Variants in PTPRT observed in about 807,000 individuals in gnomAD.
The protein encoded by PTPRT is receptor-type tyrosine-protein phosphatase T.
PTPRT carries 56 observed loss-of-function variants against 176.8 expected under a neutral mutation model. The observed-to-expected ratio is 0.32, with a 90% CI of 0.26 to 0.40. The LOEUF (loss-of-function observed/expected upper bound fraction) is 0.40. Among genes scored for constraint, PTPRT ranks in the 10% least tolerant of loss-of-function variants. The pLI is 1.00. For synonymous variants in PTPRT, 783 were observed against 739.0 expected, an observed-to-expected ratio of 1.06 and a Z score of -0.96; for missense variants, 1,540 against 1,908.2, an observed-to-expected ratio of 0.81 and a Z score of 3.60.
intron 1 of PTPRT, among the ~76,000 whole-genome samples, chr20:42,888,770 A>G (rs951119690): frequency 1.5e-4 from 23 of 152,330 alleles, no homozygotes; most frequent in Admixed American, 7.8e-4. Context: ...AGTTTTTTTA[A>G]TGGGCTCTGG....
intron 1 of PTPRT, among the ~76,000 whole-genome samples, chr20:43,060,661 G>T (rs1987418812): frequency 6.6e-6 from 1 of 152,132 alleles, no homozygotes; most frequent in Non-Finnish European, 1.5e-5. Context: ...ATACAAATGT[G>T]GCTACTAGCA....
the PTPRT span, among the ~76,000 whole-genome samples, chr20:42,032,919 G>A: frequency 4.6e-5 from 7 of 152,172 alleles, no homozygotes; most frequent in Admixed American, 4.6e-4. Flanking sequence ...GAATGAGCTT[G>A]GATGTAGAGC....
chr20:42,640,454 G>A (rs888803003), intron 7 of PTPRT, among the ~76,000 whole-genome samples: 1 of 152,054 alleles, frequency 6.6e-6, no homozygotes, highest in African/African-American at 2.4e-5. Flanking sequence ...GGATGGAAGT[G>A]GCATGATCTT....
chr20:42,766,805 T>C (rs1324049592), intron 5 of PTPRT, among the ~76,000 whole-genome samples: 2 of 152,156 alleles, frequency 1.3e-5, no homozygotes, highest in African/African-American at 4.8e-5. Context: ...ACTGGCCGAG[T>C]TGAGAAGTTA....
At chr20:42,608,001 C>T (rs1451212063) in intron 7 of PTPRT, among the ~76,000 whole-genome samples, 1 of 152,156 alleles carries the variant, frequency 6.6e-6, no homozygotes, top group Non-Finnish European at 1.5e-5. Flanking sequence ...TCTTCATGTG[C>T]CACCCAATCA....
At chr20:42,510,984 TAG>T (rs1333184423) in intron 7 of PTPRT, among the ~76,000 whole-genome samples, 5 of 152,010 alleles carry the variant, frequency 3.3e-5, no homozygotes, top group African/African-American at 1.2e-4. Flanking sequence ...CCCTGATGAA[TAG>T]ATTAATCCAT....
intron 1 of PTPRT, among the ~76,000 whole-genome samples, chr20:43,156,525 G>A (rs889988811): frequency 6.6e-6 from 1 of 152,184 alleles, no homozygotes; most frequent in Non-Finnish European, 1.5e-5. Flanking sequence ...ATAAAATGAT[G>A]AATGAGGAGA....
intron 13 of PTPRT, among the ~76,000 whole-genome samples, chr20:42,268,782 T>C (rs1380454112): frequency 1.3e-5 from 2 of 152,270 alleles, no homozygotes; most frequent in African/African-American, 4.8e-5. Flanking sequence ...AGTACAGGTG[T>C]CCATGGCAGT....
At chr20:42,629,778 T>A (rs920403741) in intron 7 of PTPRT, among the ~76,000 whole-genome samples, 4 of 152,102 alleles carry the variant, frequency 2.6e-5, no homozygotes, top group African/African-American at 9.7e-5. Context: ...CAGGCAGTAG[T>A]AATAAGGGAA....
intron 1 of PTPRT, among the ~76,000 whole-genome samples, chr20:42,984,215 C>G (rs1983439807): frequency 6.6e-6 from 1 of 152,192 alleles, no homozygotes; most frequent in Admixed American, 6.5e-5. Flanking sequence ...GGCTCACAGA[C>G]ACATACATAC....
intron 9 of PTPRT, among the ~76,000 whole-genome samples, chr20:42,372,627 G>C (rs1176650314): frequency 6.6e-6 from 1 of 152,100 alleles, no homozygotes; most frequent in Non-Finnish European, 1.5e-5. Context: ...ATTCAATTTA[G>C]AGGATATTTG....
At chr20:42,044,295 T>C in the PTPRT span, among the ~76,000 whole-genome samples, 25 of 152,078 alleles carry the variant, frequency 1.6e-4, no homozygotes, top group African/African-American at 6.0e-4. Context: ...TGGAGAAGAG[T>C]TGTGTGCTGG....
intron 14 of PTPRT, among the ~76,000 whole-genome samples, chr20:42,239,168 C>T (rs1337014868): frequency 6.6e-6 from 1 of 152,048 alleles, no homozygotes; most frequent in East Asian, 1.9e-4. Flanking sequence ...AAGTGTTCAC[C>T]TCTTTAGGAA....
chr20:42,056,288 T>C, the PTPRT span, among the ~76,000 whole-genome samples: 1 of 152,224 alleles, frequency 6.6e-6, no homozygotes, highest in Non-Finnish European at 1.5e-5. Flanking sequence ...GGTGACACTT[T>C]TGTCAACTTA....
chr20:42,209,986 G>T (rs1233251984), intron 15 of PTPRT, among the ~76,000 whole-genome samples: 3 of 152,152 alleles, frequency 2.0e-5, no homozygotes, highest in African/African-American at 4.8e-5. Flanking sequence ...TGCAAGGCTG[G>T]TTCAATATAC....
intron 7 of PTPRT, among the ~76,000 whole-genome samples, chr20:42,600,218 T>A (rs930944693): frequency 3.3e-5 from 5 of 152,174 alleles, no homozygotes; most frequent in Admixed American, 2.6e-4. Flanking sequence ...CAACTCACTG[T>A]AACCTCTGCC....
chr20:42,419,019 G>A (rs1292326719), intron 9 of PTPRT, among the ~76,000 whole-genome samples: 2 of 152,200 alleles, frequency 1.3e-5, no homozygotes, highest in African/African-American at 2.4e-5. Context: ...AGCATATAAT[G>A]AGTGTTGAAG....
Position 43,189,705 on chromosome 20 carries a change from C to T in PTPRT, c.29G>A (p.Ser10Asn). Residue 10 changes from serine (S) to asparagine (N), a missense_variant, in exon 1 of 31, where the codon AGC (serine) becomes AAC (asparagine). By Grantham distance (46) the Ser-to-Asn change is conservative. Transcript: ENST00000373187. This position sits in a 1 kb window ranked among gnomAD's most constrained non-coding sequence, Gnocchi z 5.0. ...CGGCAGCTGCAGCCTCAGGAGCAGG[C>T]TGAGGGCGAGCGCGGCGAGGCTCGC... MASLAALAL[S>N]LLLRLQLPPL... 7.7e-7 allele frequency: 1 copy of T among 1,290,798 alleles called. No individual in the cohort carries two copies. The highest frequency in any genetic ancestry group is 9.8e-7 in the Non-Finnish European group (1 of 1,019,432). 80.0% of individuals were successfully genotyped at this position (1,290,798 alleles called of 1,614,324 possible).
chr20:42,702,235 A>T, intron 6 of PTPRT, among the ~76,000 whole-genome samples: 1 of 152,098 alleles, frequency 6.6e-6, no homozygotes, highest in Non-Finnish European at 1.5e-5. Context: ...TTGTATCATG[A>T]TGGGCCTATT....
Sources: allele counts gnomAD v4.1 joint callset (sites outside exome capture counted in the v4.1 genomes callset), GRCh38; gene constraint gnomAD v4.1.1; non-coding constraint Gnocchi (gnomAD v3.1); transcripts MANE v1.5; gene names NCBI Gene and HGNC (gene_info 2026-07-23, HGNC 2026-07-21).